FRMPD4: variants seen among roughly 807,000 people sequenced by gnomAD.
FRMPD4 encodes the protein FERM and PDZ domain containing 4, also known as FERM and PDZ domain-containing protein 4.
FRMPD4 carries 22 observed loss-of-function variants against 94.1 expected under a neutral mutation model. The ratio of observed to expected loss-of-function variants is 0.23; its 90% CI spans 0.17 to 0.33. The LOEUF is 0.33. FRMPD4 is among the 10% of genes least tolerant of loss of function. The pLI, the probability that FRMPD4 is intolerant of heterozygous loss-of-function variation, is 1.00. For missense variants in FRMPD4, 1,111 were observed against 1,339.9 expected (o/e 0.83, Z 2.67); for synonymous variants, 631 against 548.6 (o/e 1.15, Z -2.10).
At chrX:12,077,872 C>T (rs1569154358) in intron 3 of FRMPD4, among the ~76,000 whole-genome samples, 1 of 111,939 alleles carries the variant, frequency 8.9e-6, no homozygotes, top group African/African-American at 3.2e-5. Flanking sequence ...GGTGTTCATT[C>T]ACTGTTGCTG....
intron 1 of FRMPD4, among the ~76,000 whole-genome samples, chrX:12,278,276 A>G (rs190956263): frequency 9.4e-4 from 105 of 112,175 alleles, no homozygotes; most frequent in Non-Finnish European, 1.7e-3. Flanking sequence ...GTGCCGGGGA[A>G]TGATTTTTTT....
At chrX:12,466,660 AG>A (rs2057452262) in intron 1 of FRMPD4, among the ~76,000 whole-genome samples, 1 of 112,312 alleles carries the variant, frequency 8.9e-6, no homozygotes, top group South Asian at 3.7e-4. Context: ...TCACAGAGGA[AG>A]AAAGAAAGAA....
chrX:12,449,594 G>A (rs748361881), intron 1 of FRMPD4, among the ~76,000 whole-genome samples: 1 of 112,247 alleles, frequency 8.9e-6, no homozygotes, highest in South Asian at 3.7e-4. Context: ...ACAGGATAAA[G>A]ATTGTTGTTC....
intron 2 of FRMPD4, among the ~76,000 whole-genome samples, chrX:12,523,020 C>T (rs2058181550): frequency 1.8e-5 from 2 of 112,309 alleles, no homozygotes; most frequent in African/African-American, 6.5e-5. Context: ...CTGAGTGGCT[C>T]CATAATGCTT....
intron 3 of FRMPD4, among the ~76,000 whole-genome samples, chrX:12,079,424 A>C (rs2055045482): frequency 9.0e-6 from 1 of 111,672 alleles, no homozygotes; most frequent in African/African-American, 3.3e-5. Context: ...ATAAAAACTC[A>C]GATGAAAGAT....
chrX:11,854,315 A>C (rs1261105781), intron 1 of FRMPD4, among the ~76,000 whole-genome samples: 1 of 111,511 alleles, frequency 9.0e-6, no homozygotes, highest in East Asian at 2.8e-4. Context: ...GACACAGCCA[A>C]ACCATAACAT....
chrX:11,856,060 C>T (rs971236180), intron 1 of FRMPD4, among the ~76,000 whole-genome samples: 2 of 111,842 alleles, frequency 1.8e-5, no homozygotes, highest in East Asian at 2.8e-4. Context: ...TAGAGGAGGG[C>T]ACCTCTTCAC....
intron 1 of FRMPD4, among the ~76,000 whole-genome samples, chrX:12,421,236 AT>A (rs1318602890): frequency 1.8e-5 from 2 of 112,029 alleles, no homozygotes; most frequent in South Asian, 3.7e-4. Flanking sequence ...AAGTAATTCC[AT>A]TTTTTTATGT....
intron 1 of FRMPD4, among the ~76,000 whole-genome samples, chrX:12,473,264 G>A (rs2057541617): frequency 9.1e-6 from 1 of 109,612 alleles, no homozygotes; most frequent in Admixed American, 9.6e-5. Flanking sequence ...AGCAAATGCT[G>A]ATTTTGTCAC....
In FRMPD4 at chrX:12,246,826, A is replaced by G. The variant is rs1221015854; in HGVS notation, c.41+107814A>G. 1.3e-4 allele frequency among the ~76,000 whole-genome samples: 15 copies of G among 111,508 alleles called. No homozygotes were observed. In the Admixed American group the frequency reaches 1.4e-3, roughly 11 times the overall value. On this transcript the variant is annotated intron_variant, in intron 1 of 16. Transcript: ENST00000675598. ...CACTTTCCATTAACGTGATGGTCATAGAGTATCATCATATCTGCCAAGATA... is the reference window on the plus strand; with the variant it reads ...CACTTTCCATTAACGTGATGGTCATGGAGTATCATCATATCTGCCAAGATA...
intron 2 of FRMPD4, among the ~76,000 whole-genome samples, chrX:12,557,473 T>C (rs1165826289): frequency 1.7e-4 from 19 of 112,568 alleles, no homozygotes; most frequent in Non-Finnish European, 5.6e-5. Context: ...AGACAGTTTT[T>C]CAGCTATTCT....
intron 1 of FRMPD4, among the ~76,000 whole-genome samples, chrX:12,359,571 G>A (rs1239924422): frequency 3.7e-5 from 4 of 109,011 alleles, no homozygotes; most frequent in Non-Finnish European, 5.7e-5. Flanking sequence ...AGGTTTGAGC[G>A]ATTCTCCTGC....
chrX:12,351,500 G>C (rs763818373), intron 1 of FRMPD4, among the ~76,000 whole-genome samples: 2 of 112,253 alleles, frequency 1.8e-5, no homozygotes, highest in Non-Finnish European at 3.8e-5. Context: ...ACATTTTAAA[G>C]TAAACTTTTT....
At chrX:11,910,338 T>C (rs2053989939) in intron 3 of FRMPD4, among the ~76,000 whole-genome samples, 1 of 112,279 alleles carries the variant, frequency 8.9e-6, no homozygotes, top group Non-Finnish European at 1.9e-5. Context: ...TAAGTAAATA[T>C]ATGATCTCAT....
chrX:12,132,725 C>T (rs2055563022), intron 3 of FRMPD4, among the ~76,000 whole-genome samples: 1 of 111,086 alleles, frequency 9.0e-6, no homozygotes, highest in African/African-American at 3.3e-5. Flanking sequence ...GAATGGTCAG[C>T]TGTGTCAATA....
intron 1 of FRMPD4, among the ~76,000 whole-genome samples, chrX:12,378,044 A>G (rs2056264427): frequency 1.8e-5 from 2 of 112,311 alleles, no homozygotes; most frequent in South Asian, 7.5e-4. Flanking sequence ...TGCTGGCCTC[A>G]GTGCGCACCC....
intron 3 of FRMPD4, among the ~76,000 whole-genome samples, chrX:11,983,867 C>G (rs1743755690): frequency 8.9e-6 from 1 of 112,072 alleles, no homozygotes; most frequent in African/African-American, 3.2e-5. Flanking sequence ...AGCACCTATA[C>G]TAAAAAAAAG....
chrX:11,975,830 GA>G (rs1383885736), intron 3 of FRMPD4, among the ~76,000 whole-genome samples: 1 of 111,787 alleles, frequency 8.9e-6, no homozygotes, highest in Non-Finnish European at 1.9e-5. Context: ...TGCTATCCCT[GA>G]AAAGTCCATG....
At chrX:12,445,894 A>AT (rs1157731537) in intron 1 of FRMPD4, among the ~76,000 whole-genome samples, 2 of 112,915 alleles carry the variant, frequency 1.8e-5, no homozygotes, top group African/African-American at 6.4e-5. Context: ...TGTTTAAAGG[A>AT]TTTTCAAACT....
Sources: gnomAD v4.1 joint callset for allele counts (sites outside exome capture counted in the v4.1 genomes callset) on GRCh38, gnomAD v4.1.1 for gene constraint, MANE v1.5 for transcripts, NCBI Gene and HGNC (gene_info 2026-07-23, HGNC 2026-07-21) for gene names.